CAMTA1: variants seen among roughly 807,000 people sequenced by gnomAD.
CAMTA1 encodes calmodulin-binding transcription activator 1.
Under a neutral mutation model 170.9 loss-of-function variants are expected in CAMTA1, and 27 were observed. That is an observed-to-expected ratio of 0.16 (90% CI 0.12 to 0.22). CAMTA1 has a LOEUF of 0.22. CAMTA1 is among the 10% of genes least tolerant of loss of function. The probability of loss-of-function intolerance (pLI) is 1.00; values close to 1 mark genes in which losing one functional copy is unlikely to be tolerated. For synonymous variants in CAMTA1, 833 were observed against 891.5 expected, an observed-to-expected ratio of 0.93 and a Z score of 1.17; for missense variants, 1,619 against 2,217.2, an observed-to-expected ratio of 0.73 and a Z score of 5.42.
intron 19 of CAMTA1, among the ~76,000 whole-genome samples, chr1:7,750,168 T>C (rs1266667394): frequency 6.6e-6 from 1 of 152,224 alleles, no homozygotes; most frequent in African/African-American, 2.4e-5. Flanking sequence ...TGCAGCATTC[T>C]TGTCTTCAAA....
Position 7,426,663 on chromosome 1 carries a change from G to A in CAMTA1, c.439-41167G>A, listed in dbSNP as rs1485304315. Among the ~76,000 whole-genome samples, 1 of 149,612 alleles carries A rather than the reference G, an allele frequency of 6.7e-6. No homozygotes were observed. Among genetic ancestry groups the A allele is most frequent in the South Asian group, 2.3e-4 (1 of 4,362 alleles). On this transcript the variant is annotated intron_variant, in intron 5 of 22. Transcript: ENST00000303635. This position sits in a 1 kb window ranked among gnomAD's most constrained non-coding sequence, Gnocchi z 4.8. ...GATGGCGACTGTGCAAAAAAGCAGG[G>A]GTTGGGGCGGGGGAAAGGTGGAGAA...
rs565919336 is a variant in CAMTA1, at chr1:6,814,209, C to T, written c.46-5972C>T. ...GATTGAAAATGGAGTTGTAGGTTAG[C>T]AGAGGACATTTCTGAAAGGAGTAAC... On this transcript the variant is annotated intron_variant, in intron 1 of 22. Coordinates refer to ENST00000303635, the MANE Select transcript of CAMTA1 (RefSeq NM_015215.4). Among the ~76,000 whole-genome samples the T allele has an allele frequency of 2.6e-5, 4 of 152,274 alleles. No homozygotes were observed. The East Asian group carries it at 7.7e-4, about 29-fold the overall frequency.
At chr1:6,904,534 CT>C (rs892223434) in intron 3 of CAMTA1, among the ~76,000 whole-genome samples, 24 of 149,620 alleles carry the variant, frequency 1.6e-4, no homozygotes, top group South Asian at 8.5e-4. Flanking sequence ...AACTTTAAGC[CT>C]TTTTTTTTCT....
intron 12 of CAMTA1, among the ~76,000 whole-genome samples, chr1:7,735,801 T>C (rs1444898419): frequency 1.3e-5 from 2 of 152,090 alleles, no homozygotes; most frequent in Non-Finnish European, 2.9e-5. Flanking sequence ...AGACAAGGTC[T>C]TGCTCTGTCA....
At chr1:6,839,500 G>T (rs1180923464) in intron 3 of CAMTA1, among the ~76,000 whole-genome samples, 5 of 152,218 alleles carry the variant, frequency 3.3e-5, no homozygotes, top group African/African-American at 1.2e-4. Flanking sequence ...AGTTGGAGTT[G>T]CTGAGGGTAT....
intron 5 of CAMTA1, among the ~76,000 whole-genome samples, chr1:7,278,485 G>T (rs1574391500): frequency 6.6e-6 from 1 of 152,150 alleles, no homozygotes; most frequent in South Asian, 2.1e-4. Flanking sequence ...ACTACAATAA[G>T]TGCTTTTCAG....
At chr1:7,161,739 A>G (rs1485842802) in intron 4 of CAMTA1, among the ~76,000 whole-genome samples, 9 of 152,168 alleles carry the variant, frequency 5.9e-5, no homozygotes. Flanking sequence ...GTATGTCTTT[A>G]TCAATAGCAC....
At chr1:7,486,469 A>T (rs1321934756) in intron 6 of CAMTA1, among the ~76,000 whole-genome samples, 1 of 152,160 alleles carries the variant, frequency 6.6e-6, no homozygotes, top group East Asian at 1.9e-4. Flanking sequence ...GCCAAGACTG[A>T]TAATGCTCAT....
intron 3 of CAMTA1, among the ~76,000 whole-genome samples, chr1:6,941,322 C>T (rs1004770049): frequency 3.9e-5 from 6 of 152,160 alleles, no homozygotes; most frequent in African/African-American, 1.4e-4. Flanking sequence ...GAGAAAGATG[C>T]CCAGTGGCCC....
At chr1:7,440,288 G>A (rs1205120670) in intron 5 of CAMTA1, among the ~76,000 whole-genome samples, 2 of 152,236 alleles carry the variant, frequency 1.3e-5, no homozygotes, top group Admixed American at 6.5e-5. Flanking sequence ...GTCAGCAATC[G>A]GGAGCCCCGA....
At chr1:7,045,146 C>T (rs1304032104) in intron 3 of CAMTA1, among the ~76,000 whole-genome samples, 10 of 152,066 alleles carry the variant, frequency 6.6e-5, no homozygotes, top group African/African-American at 1.2e-4. Context: ...CTAAGGACCC[C>T]GAGAAGCCAG....
At chr1:7,268,387 C>A (rs1315930578) in intron 5 of CAMTA1, among the ~76,000 whole-genome samples, 3 of 152,178 alleles carry the variant, frequency 2.0e-5, no homozygotes, top group African/African-American at 7.2e-5. Context: ...AAGACAACCA[C>A]TGTGGGCCAG....
intron 5 of CAMTA1, among the ~76,000 whole-genome samples, chr1:7,311,033 C>A (rs1399331098): frequency 1.3e-5 from 2 of 152,110 alleles, no homozygotes; most frequent in Non-Finnish European, 2.9e-5. Context: ...GCCCAGCCAA[C>A]AAGATTGTTT....
At position 7,657,753 on chromosome 1, in the gene CAMTA1, T is replaced by C. The variant is rs1045669234; in HGVS notation, c.665-3973T>C. Among the ~76,000 whole-genome samples, 142 of 152,128 alleles carry C rather than the reference T, an allele frequency of 9.3e-4. 4 individuals carry two copies. Among genetic ancestry groups the C allele is most frequent in the Non-Finnish European group, 2.6e-4 (18 of 68,016 alleles). On this transcript the variant is annotated intron_variant, in intron 7 of 22. Transcript: ENST00000303635. ...CAACTCACCACCTCAGAGGAGGGGC[T>C]TTTCTCCACCCACCCACCCCCAACA...
chr1:7,492,696 AAC>A lies in CAMTA1; in HGVS notation c.510+24802_510+24803del, dbSNP rs756587377. On this transcript the variant is annotated intron_variant, in intron 6 of 22. Coordinates refer to ENST00000303635, the MANE Select transcript of CAMTA1 (RefSeq NM_015215.4). ...ACACACACACAAACACAAACCTACAAACACACACGCAGGCACACACACAAACA... is the reference window on the plus strand; with the variant it reads ...ACACACACACAAACACAAACCTACAAACACACGCAGGCACACACACAAACA... 1.9e-4 allele frequency among the ~76,000 whole-genome samples: 26 copies of A among 137,338 alleles called. No homozygotes were observed. In the South Asian group the frequency reaches 2.6e-3, roughly 14 times the overall value. The allele number at this position is 137,338 out of a possible 152,430, so 90.1% of individuals were successfully genotyped here.
intron 5 of CAMTA1, among the ~76,000 whole-genome samples, chr1:7,296,881 G>T (rs1674031765): frequency 6.6e-6 from 1 of 151,836 alleles, no homozygotes; most frequent in African/African-American, 2.4e-5. Flanking sequence ...AAAACATTTA[G>T]CTGCCTGGAC....
rs537946809 is a variant in CAMTA1 at position 7,758,881 on chromosome 1, G to C, written c.4989+3213G>C. ...ATCCGGGAGGCGGAGCTTGCAGTGA[G>C]CCGAGATAGCGCCACTGCAGTCCGG... On this transcript the variant is annotated intron_variant, in intron 22 of 22. Transcript: ENST00000303635. Among the ~76,000 whole-genome samples, 20 of 143,206 alleles carry C rather than the reference G, an allele frequency of 1.4e-4. 1 individual carries two copies. The South Asian group carries it at 3.9e-3, about 28-fold the overall frequency. 93.9% of individuals were successfully genotyped at this position (143,206 alleles called of 152,430 possible). A position where few individuals can be genotyped will look rare whatever the true frequency, so the allele number is the denominator to read the frequency against.
At chr1:7,204,493 T>C (rs1216246236) in intron 4 of CAMTA1, among the ~76,000 whole-genome samples, 2 of 152,216 alleles carry the variant, frequency 1.3e-5, no homozygotes, top group Non-Finnish European at 2.9e-5. Context: ...GCTACTGATT[T>C]CTAATTTCAT....
chr1:6,999,110 A>G (rs936380637), intron 3 of CAMTA1, among the ~76,000 whole-genome samples: 5 of 152,122 alleles, frequency 3.3e-5, no homozygotes, highest in African/African-American at 1.2e-4. Flanking sequence ...GCTTCTTCCT[A>G]TGACTGCCTC....
Sources: allele counts gnomAD v4.1 joint callset (sites outside exome capture counted in the v4.1 genomes callset), GRCh38; gene constraint gnomAD v4.1.1; non-coding constraint Gnocchi (gnomAD v3.1); transcripts MANE v1.5; gene names NCBI Gene and HGNC (gene_info 2026-07-23, HGNC 2026-07-21).